PRSS12: variants seen among roughly 807,000 people sequenced by gnomAD.
PRSS12 encodes the protein serine protease 12.
PRSS12 carries 85 observed loss-of-function variants against 104.4 expected under a neutral mutation model. The observed-to-expected ratio is 0.81, with a 90% confidence interval of 0.68 to 0.98. The LOEUF (loss-of-function observed/expected upper bound fraction) is 0.98, where lower values mean the gene tolerates loss of function less well. PRSS12 is among the 50% of genes least tolerant of loss of function. PRSS12 has a pLI of 0.00. For synonymous variants in PRSS12, 454 were observed against 425.2 expected (o/e 1.07, Z -0.83); for missense variants, 1,141 against 1,139.2 (o/e 1.00, Z -0.02).
chr4:118,348,319 C>T (rs1724407061), intron 1 of PRSS12, among the ~76,000 whole-genome samples: 1 of 152,226 alleles, frequency 6.6e-6, no homozygotes, highest in South Asian at 2.1e-4. Flanking sequence ...TTAACATTGG[C>T]ATGCCTTACA....
At chr4:118,287,055 A>T (rs1346860955) in intron 11 of PRSS12, among the ~76,000 whole-genome samples, 2 of 152,230 alleles carry the variant, frequency 1.3e-5, no homozygotes, top group Non-Finnish European at 2.9e-5. Context: ...GAGAATAAAA[A>T]TATTTACCTA....
Position 118,318,571 on chromosome 4 carries a change from G to C in PRSS12, c.972-15C>G, listed in dbSNP as rs757534777. 6.2e-7 allele frequency: 1 copy of C among 1,611,988 alleles called. No individual in the cohort carries two copies. The highest frequency in any genetic ancestry group is 8.5e-7 in the Non-Finnish European group (1 of 1,178,882). ...TGGCAATGCCACTGAACAAATAAAAGAATGTAAGGATTCTGGATTAGATAC... is the reference window on the plus strand; with the variant it reads ...TGGCAATGCCACTGAACAAATAAAACAATGTAAGGATTCTGGATTAGATAC... On this transcript the variant is annotated splice_polypyrimidine_tract_variant and intron_variant, in intron 4 of 12. Transcript: ENST00000296498.
At chr4:118,297,604 G>A (rs1743283804) in intron 9 of PRSS12, among the ~76,000 whole-genome samples, 1 of 151,956 alleles carries the variant, frequency 6.6e-6, no homozygotes, top group East Asian at 1.9e-4. Flanking sequence ...AAGCCCCTCA[G>A]ACAGCAAAGA....
intron 4 of PRSS12, among the ~76,000 whole-genome samples, chr4:118,321,804 T>G (rs1289839343): frequency 6.6e-6 from 1 of 152,222 alleles, no homozygotes; most frequent in East Asian, 1.9e-4. Flanking sequence ...TCTTAACATT[T>G]TCTGGTTTTA....
At chr4:118,295,219 A>G (rs991096160) in intron 10 of PRSS12, among the ~76,000 whole-genome samples, 158 bp from the exon 11 acceptor site, 3 of 152,206 alleles carry the variant, frequency 2.0e-5, no homozygotes, top group African/African-American at 7.2e-5. Flanking sequence ...TACTTTGAGA[A>G]GGAGACCCCA....
chr4:118,323,885 G>A (rs550609086), intron 4 of PRSS12, among the ~76,000 whole-genome samples: 27 of 151,720 alleles, frequency 1.8e-4, no homozygotes, highest in African/African-American at 2.2e-4. Context: ...GTGTGTGTGT[G>A]TATATATATC....
At chr4:118,340,107 G>A (rs1042813929) in intron 1 of PRSS12, among the ~76,000 whole-genome samples, 1 of 152,142 alleles carries the variant, frequency 6.6e-6, no homozygotes, top group African/African-American at 2.4e-5. Context: ...AAATGATTGA[G>A]GCACTTAGAG....
intron 8 of PRSS12, among the ~76,000 whole-genome samples, chr4:118,306,736 T>C (rs937748498): frequency 3.3e-5 from 5 of 152,172 alleles, no homozygotes; most frequent in African/African-American, 1.2e-4. Context: ...ATCCAAACTA[T>C]ATCAATGATG....
chr4:118,332,344 G>A (rs1370328489), intron 3 of PRSS12, among the ~76,000 whole-genome samples: 4 of 152,090 alleles, frequency 2.6e-5, no homozygotes, highest in Non-Finnish European at 4.4e-5. Flanking sequence ...TATCTAATTC[G>A]TTAAAACAAG....
intron 11 of PRSS12, among the ~76,000 whole-genome samples, chr4:118,287,019 C>T (rs1743029504): frequency 6.6e-6 from 1 of 152,170 alleles, no homozygotes; most frequent in South Asian, 2.1e-4. Context: ...TTTGTATGCT[C>T]ACCAATCAGC....
In PRSS12 at chr4:118,301,018, C is replaced by A. The variant is rs373159363; in HGVS notation, c.1632-2080G>T. 5.5e-4 allele frequency among the ~76,000 whole-genome samples: 83 copies of A among 151,808 alleles called. No individual in the cohort carries two copies. The South Asian group carries it at 0.017, about 30-fold the overall frequency. ...TAGATTTCTTCCTAGAAGTTTTATT[C>A]TACTTTTTTCTATTTTTTAATCAAT... is the stretch of plus-strand genomic sequence containing the variant. On this transcript the variant is annotated intron_variant, in intron 8 of 12. Coordinates refer to ENST00000296498, the MANE Select transcript of PRSS12 (RefSeq NM_003619.4).
At chr4:118,311,516 C>T (rs955411328) in intron 7 of PRSS12, among the ~76,000 whole-genome samples, 1 of 152,094 alleles carries the variant, frequency 6.6e-6, no homozygotes, top group African/African-American at 2.4e-5. Context: ...CTAAGCTTCC[C>T]TTTTAAATAT....
At chr4:118,327,043 C>T (rs1056890197) in intron 4 of PRSS12, among the ~76,000 whole-genome samples, 2 of 152,092 alleles carry the variant, frequency 1.3e-5, no homozygotes, top group Admixed American at 6.5e-5. Context: ...TGTGTTGGGC[C>T]ACATTCAAAG....
At position 118,352,683 on chromosome 4, in the gene PRSS12, C is replaced by G. The variant is rs1481021245; in HGVS notation, c.38G>C (p.Gly13Ala). 12 of 1,613,268 alleles carry G rather than the reference C, an allele frequency of 7.4e-6. No homozygotes were observed. The South Asian group carries it at 1.2e-4, about 16-fold the overall frequency. Residue 13 changes from glycine to alanine, a missense_variant, in exon 1 of 13, where the codon GGG becomes GCG. Physicochemically the swap from Gly to Ala is moderately conservative, Grantham distance 60. Transcript: ENST00000296498. ...AAAGCCGACCACTTCGGGGAGCGCC[C>G]CTAACATCAGGGCTAGCACGAAGCG... ...LARFVLALMLGALPEVVGFDS... is the reference protein window; with the variant it reads ...LARFVLALMLAALPEVVGFDS...
At chr4:118,327,930 C>A (rs981884154) in intron 4 of PRSS12, among the ~76,000 whole-genome samples, 1 of 152,156 alleles carries the variant, frequency 6.6e-6, no homozygotes, top group African/African-American at 2.4e-5. Context: ...TGAAGGTTAA[C>A]AATGACAGCA....
chr4:118,319,114 G>C (rs1409893200), intron 4 of PRSS12, among the ~76,000 whole-genome samples: 5 of 151,774 alleles, frequency 3.3e-5, no homozygotes, highest in African/African-American at 1.2e-4. Context: ...GGCTGGAGTG[G>C]TGTGGCATGA....
At chr4:118,293,018 A>AAT (rs1743164523) in intron 11 of PRSS12, among the ~76,000 whole-genome samples, 1 of 151,272 alleles carries the variant, frequency 6.6e-6, no homozygotes, top group African/African-American at 2.4e-5. Flanking sequence ...CCATCTCAAA[A>AAT]AATAATAATA....
At chr4:118,338,044 C>G (rs17516526) in intron 2 of PRSS12, 132 bp downstream of exon 2, 118,473 of 1,215,152 alleles carry the variant, frequency 0.097, 6,684 homozygotes, top group Non-Finnish European at 0.11. Context: ...CTTTATAGCT[C>G]TTTTGTGAAA....
rs759781096 is a variant in PRSS12, at chr4:118,308,535, CCTT to C, written c.1529_1531del (p.Glu510del). The C allele has an allele frequency of 1.3e-5, 21 of 1,613,916 alleles. No individual in the cohort carries two copies. The highest frequency in any genetic ancestry group is 1.8e-5 in the Non-Finnish European group (21 of 1,179,964). On this transcript the variant is annotated inframe_deletion, in exon 8 of 13. Coordinates refer to ENST00000296498, the MANE Select transcript of PRSS12 (RefSeq NM_003619.4). ...GCCATTGATAAAAACCTCCACTCGT[CCTT>C]CTTTCTTATTTTCTCCATCCATCAG...
Sources: allele counts gnomAD v4.1 joint callset (sites outside exome capture counted in the v4.1 genomes callset), GRCh38; gene constraint gnomAD v4.1.1; transcripts MANE v1.5; gene names NCBI Gene and HGNC (gene_info 2026-07-23, HGNC 2026-07-21).